Variants in FAM220A observed in about 807,000 individuals in gnomAD.
FAM220A encodes family with sequence similarity 220 member A, also known as protein FAM220A.
For synonymous variants in FAM220A, 141 were observed against 130.7 expected, an observed-to-expected ratio of 1.08 and a Z score of -0.54; for missense variants, 392 against 321.6, an observed-to-expected ratio of 1.22 and a Z score of -1.68.
At chr7:6,332,990 C>A (rs1248468125) in intron 1 of FAM220A, among the ~76,000 whole-genome samples, 1 of 151,966 alleles carries the variant, frequency 6.6e-6, no homozygotes, top group African/African-American at 2.4e-5. Flanking sequence ...GAAACCCTGT[C>A]TCTATCAAAA....
chr7:6,341,022 C>G (rs1437043576), intron 1 of FAM220A, among the ~76,000 whole-genome samples: 2 of 131,244 alleles, frequency 1.5e-5, no homozygotes, highest in Non-Finnish European at 3.2e-5. Flanking sequence ...TGGGAACCTA[C>G]AGTCCCAGCT....
At position 6,331,017 on chromosome 7, in the gene FAM220A, C is replaced by A; in HGVS notation, c.138G>T (p.Trp46Cys). 6.2e-7 allele frequency: 1 copy of A among 1,614,150 alleles called. No homozygotes were observed. Among genetic ancestry groups the A allele is most frequent in the South Asian group, 1.1e-5 (1 of 91,088 alleles). Residue 46 changes from tryptophan (W) to cysteine (C), a missense_variant, in exon 2 of 2, where the codon TGG becomes TGT. Trp to Cys is a radical substitution (Grantham distance 215). Transcript: ENST00000313324. ...EGPWPADAPS[W>C]MNKPVVDGNS... The stretch of plus-strand genomic sequence containing the variant: ...TTCCATCAACCACAGGCTTATTCAT[C>A]CAGGAGGGTGCATCTGCAGGCCAAG...
intron 1 of FAM220A, among the ~76,000 whole-genome samples, chr7:6,333,606 C>T (rs1781682492): frequency 6.6e-6 from 1 of 151,466 alleles, no homozygotes; most frequent in African/African-American, 2.4e-5. Flanking sequence ...TCAAGCAATC[C>T]TCCTAATTCA....
At position 6,329,450 on chromosome 7, in the gene FAM220A, A is replaced by G. The variant is rs1781584247; in HGVS notation, c.*925T>C. 1 of 152,542 alleles carries G rather than the reference A, an allele frequency of 6.6e-6. No individual in the cohort carries two copies. The highest frequency in any genetic ancestry group is 1.5e-5 in the Non-Finnish European group (1 of 68,048). 9.4% of individuals were successfully genotyped at this position (152,542 alleles called of 1,614,324 possible). ...TTTATTAAGCTAAAGAACAAATTTTATTTTTCATTTTCCCCAAACACTAAA... is the reference window on the plus strand; with the variant it reads ...TTTATTAAGCTAAAGAACAAATTTTGTTTTTCATTTTCCCCAAACACTAAA... On this transcript the variant is annotated 3_prime_UTR_variant, in exon 2 of 2. Coordinates refer to ENST00000313324, the MANE Select transcript of FAM220A (RefSeq NM_001037163.2).
chr7:6,336,454 G>A (rs905889842), intron 1 of FAM220A, among the ~76,000 whole-genome samples: 1 of 152,030 alleles, frequency 6.6e-6, no homozygotes, highest in African/African-American at 2.4e-5. Flanking sequence ...GCCATGGCAG[G>A]CAGATCTCTT....
chr7:6,340,584 A>C (rs1216723839), intron 1 of FAM220A, among the ~76,000 whole-genome samples: 1 of 152,102 alleles, frequency 6.6e-6, no homozygotes, highest in African/African-American at 2.4e-5. Context: ...ACAGACTCGA[A>C]GGAGGGCAGG....
rs1163541761 is a variant in FAM220A, at chr7:6,348,620, G to C, written c.-129C>G. The C allele has an allele frequency of 6.1e-6, 3 of 494,434 alleles. No homozygotes were observed. The highest frequency in any genetic ancestry group is 1.1e-5 in the Non-Finnish European group (3 of 274,640). The allele number at this position is 494,434 out of a possible 1,614,324, so 30.6% of individuals were successfully genotyped here. On this transcript the variant is annotated 5_prime_UTR_variant, in exon 1 of 2. Transcript: ENST00000313324. ...ATGGAAGCCACGATGTAGAGGTAGG[G>C]GAAGTTGATACGCAGCCGCCAGGCC...
chr7:6,342,345 G>C (rs1366427455), intron 1 of FAM220A, among the ~76,000 whole-genome samples: 2 of 151,966 alleles, frequency 1.3e-5, no homozygotes, highest in African/African-American at 4.8e-5. Context: ...AGGAGCTGGA[G>C]ACCAGCCCAG....
At chr7:6,346,841 G>C (rs1222258549) in intron 1 of FAM220A, among the ~76,000 whole-genome samples, 1 of 152,136 alleles carries the variant, frequency 6.6e-6, no homozygotes, top group African/African-American at 2.4e-5. Context: ...GCAGTGTGGT[G>C]GTTCTACTGC....
chr7:6,331,738 CT>C (rs376255551), intron 1 of FAM220A, among the ~76,000 whole-genome samples: 3,481 of 117,654 alleles, frequency 0.03, 70 homozygotes, highest in African/African-American at 0.086. Context: ...ATAATAGAGG[CT>C]TTTTTTTTTT....
In FAM220A at chr7:6,338,296, T is replaced by C. The variant is rs575781158; in HGVS notation, c.-81-7061A>G. On this transcript the variant is annotated intron_variant, in intron 1 of 1. Coordinates refer to ENST00000313324, the MANE Select transcript of FAM220A (RefSeq NM_001037163.2). ...TTCTCAGTATGCTAGAGATATATTG[T>C]ACCAGATAAAATATGCCTAAGTGTA... 4.6e-5 allele frequency among the ~76,000 whole-genome samples: 7 copies of C among 152,314 alleles called. No individual in the cohort carries two copies. In the South Asian group the frequency reaches 1.2e-3, roughly 27 times the overall value.
At chr7:6,338,185 A>C (rs1011419223) in intron 1 of FAM220A, among the ~76,000 whole-genome samples, 1 of 152,200 alleles carries the variant, frequency 6.6e-6, no homozygotes, top group African/African-American at 2.4e-5. Flanking sequence ...ACTGTTATAC[A>C]TATTACCTGT....
At chr7:6,331,411 C>A (rs1378951722) in intron 1 of FAM220A, among the ~76,000 whole-genome samples, 176 bp from the exon 2 acceptor site, 2 of 152,232 alleles carry the variant, frequency 1.3e-5, no homozygotes, top group Non-Finnish European at 2.9e-5. Flanking sequence ...GATCCACCCA[C>A]CTCAGCGTCC....
chr7:6,341,028 C>T (rs2115143202), intron 1 of FAM220A, among the ~76,000 whole-genome samples: 1 of 150,222 alleles, frequency 6.7e-6, no homozygotes, highest in South Asian at 2.1e-4. Context: ...CCTACAGTCC[C>T]AGCTACTCGG....
Position 6,348,686 on chromosome 7 carries a change from A to G in FAM220A, c.-195T>C, listed in dbSNP as rs1207396868. 2.1e-6 allele frequency: 1 copy of G among 481,436 alleles called. No homozygotes were observed. The highest frequency in any genetic ancestry group is 3.7e-6 in the Non-Finnish European group (1 of 269,498). 29.8% of individuals were successfully genotyped at this position (481,436 alleles called of 1,614,324 possible). A position where few individuals can be genotyped will look rare whatever the true frequency, so the allele number is the denominator to read the frequency against. On this transcript the variant is annotated 5_prime_UTR_variant, in exon 1 of 2. Coordinates refer to ENST00000313324, the MANE Select transcript of FAM220A (RefSeq NM_001037163.2). The stretch of plus-strand genomic sequence containing the variant: ...AGCAGCGTGCGAGTCAGCCCCTTGC[A>G]GAAGACCCCATAGGAGCGGGCGGCG...
At chr7:6,331,738 C>CTTT (rs376255551) in intron 1 of FAM220A, among the ~76,000 whole-genome samples, 11 of 117,752 alleles carry the variant, frequency 9.3e-5, no homozygotes, top group Admixed American at 1.8e-4. Flanking sequence ...ATAATAGAGG[C>CTTT]TTTTTTTTTT....
rs568363858 is a variant in FAM220A, at chr7:6,330,320, A to T, written c.*55T>A. On this transcript the variant is annotated 3_prime_UTR_variant, in exon 2 of 2. Coordinates refer to ENST00000313324, the MANE Select transcript of FAM220A (RefSeq NM_001037163.2). ...TTGCATCCAGACTTAATGCGAAAGA[A>T]ATCATTCTAAGACAACTCTTAAAAT... The T allele has an allele frequency of 1.3e-6, 2 of 1,515,240 alleles. No homozygotes were observed. Among genetic ancestry groups the T allele is most frequent in the East Asian group, 2.3e-5 (1 of 44,240 alleles). 93.9% of individuals were successfully genotyped at this position (1,515,240 alleles called of 1,614,324 possible). A position where few individuals can be genotyped will look rare whatever the true frequency, so the allele number is the denominator to read the frequency against.
intron 1 of FAM220A, among the ~76,000 whole-genome samples, chr7:6,335,706 A>G (rs1470469328): frequency 6.6e-6 from 1 of 152,132 alleles, no homozygotes; most frequent in Non-Finnish European, 1.5e-5. Flanking sequence ...TTACTGATAG[A>G]ATTGTGACCA....
At chr7:6,341,210 CAAG>C (rs1781850784) in intron 1 of FAM220A, among the ~76,000 whole-genome samples, 1 of 150,862 alleles carries the variant, frequency 6.6e-6, no homozygotes, top group Non-Finnish European at 1.5e-5. Context: ...TTTGGGAGGC[CAAG>C]GAGGGTAGAT....
Sources: gnomAD v4.1 joint callset for allele counts (sites outside exome capture counted in the v4.1 genomes callset) on GRCh38, gnomAD v4.1.1 for gene constraint, MANE v1.5 for transcripts, NCBI Gene and HGNC (gene_info 2026-07-23, HGNC 2026-07-21) for gene names.